Variants in POF1B observed in about 807,000 individuals in gnomAD.
POF1B encodes the protein protein POF1B.
POF1B carries 53 observed loss-of-function variants against 55.3 expected under a neutral mutation model. That is an observed-to-expected ratio of 0.96 (90% CI 0.77 to 1.20). POF1B has a LOEUF of 1.20. POF1B is among the 50% of genes most tolerant of loss of function. The probability of loss-of-function intolerance (pLI) is 0.00; values close to 1 mark genes in which losing one functional copy is unlikely to be tolerated. For synonymous variants in POF1B, 188 were observed against 148.3 expected, an observed-to-expected ratio of 1.27 and a Z score of -1.95; for missense variants, 478 against 420.5, an observed-to-expected ratio of 1.14 and a Z score of -1.20.
intron 15 of POF1B, among the ~76,000 whole-genome samples, chrX:85,292,381 T>C (rs770612966): frequency 8.9e-6 from 1 of 111,782 alleles, no homozygotes; most frequent in Non-Finnish European, 1.9e-5. Flanking sequence ...ATCAAGGGTA[T>C]TGACCTGAAG....
intron 5 of POF1B, among the ~76,000 whole-genome samples, chrX:85,349,159 A>G (rs1933330140): frequency 9.0e-6 from 1 of 111,034 alleles, no homozygotes; most frequent in South Asian, 3.8e-4. Flanking sequence ...GCAAACCAAA[A>G]TGTTAAAGAT....
chrX:85,330,092 A>G (rs958019849), intron 7 of POF1B, among the ~76,000 whole-genome samples: 1 of 110,024 alleles, frequency 9.1e-6, no homozygotes, highest in Admixed American at 9.8e-5. Context: ...GAGCTTTCCT[A>G]GATTTTGCCT....
intron 6 of POF1B, among the ~76,000 whole-genome samples, chrX:85,338,277 G>A (rs929543681): frequency 9.0e-6 from 1 of 111,493 alleles, no homozygotes; most frequent in Admixed American, 9.6e-5. Flanking sequence ...TTATAACAAA[G>A]GATAAAATTG....
At chrX:85,340,044 G>C (rs1046868532) in intron 6 of POF1B, among the ~76,000 whole-genome samples, 15 of 111,039 alleles carry the variant, frequency 1.4e-4, no homozygotes, top group Non-Finnish European at 2.7e-4. Flanking sequence ...GTTAGTAGAA[G>C]GCAAGGCTAC....
chrX:85,293,237 G>C (rs1253716641), intron 15 of POF1B, among the ~76,000 whole-genome samples: 1 of 112,049 alleles, frequency 8.9e-6, no homozygotes, highest in African/African-American at 3.2e-5. Context: ...GTTCACTGCA[G>C]CACTATTCTC....
At chrX:85,368,051 C>T (rs1474381027) in intron 2 of POF1B, among the ~76,000 whole-genome samples, 2 of 111,929 alleles carry the variant, frequency 1.8e-5, no homozygotes, top group Non-Finnish European at 3.8e-5. Flanking sequence ...CATTCATATA[C>T]ACCCCAATGT....
chrX:85,309,908 T>C lies in POF1B; in HGVS notation c.958-1692A>G, dbSNP rs777224095. Among the ~76,000 whole-genome samples, 4 of 112,016 alleles carry C rather than the reference T, an allele frequency of 3.6e-5. No individual in the cohort carries two copies. In the East Asian group the frequency reaches 1.1e-3, roughly 32 times the overall value. On this transcript the variant is annotated intron_variant, in intron 9 of 16. Transcript: ENST00000262753. The stretch of plus-strand genomic sequence containing the variant: ...AAATTCCATGCACTGTGATGTCAGT[T>C]GAGACTGTGAAGGGAGCTTGGGCTT...
At chrX:85,289,501 C>T (rs1447264156) in intron 15 of POF1B, among the ~76,000 whole-genome samples, 1 of 111,531 alleles carries the variant, frequency 9.0e-6, no homozygotes, top group African/African-American at 3.3e-5. Context: ...TCCTGAACTG[C>T]GATGGCAGCT....
chrX:85,307,088 A>G, intron 11 of POF1B, 75 bp downstream of exon 11: 3 of 788,793 alleles, frequency 3.8e-6, no homozygotes, highest in Non-Finnish European at 5.6e-6. Flanking sequence ...TATATCTCAT[A>G]ACTCCAATGT....
intron 6 of POF1B, among the ~76,000 whole-genome samples, chrX:85,344,407 CA>C (rs771797978): frequency 7.1e-4 from 79 of 111,343 alleles, no homozygotes; most frequent in Admixed American, 2.9e-4. Flanking sequence ...ATCTCTCAGC[CA>C]AAATTAATTT....
chrX:85,363,973 T>A (rs934128646), intron 3 of POF1B, among the ~76,000 whole-genome samples: 5 of 112,178 alleles, frequency 4.5e-5, no homozygotes, highest in African/African-American at 9.7e-5. Flanking sequence ...AGTCTTCCTG[T>A]TAAATTGAAA....
chrX:85,351,960 A>T (rs1175222205), intron 4 of POF1B, among the ~76,000 whole-genome samples: 2 of 110,704 alleles, frequency 1.8e-5, no homozygotes, highest in African/African-American at 6.5e-5. Context: ...ACAATTCTTA[A>T]TTGTAATTAT....
intron 9 of POF1B, among the ~76,000 whole-genome samples, chrX:85,309,989 C>A (rs1932661386): frequency 8.9e-6 from 1 of 112,034 alleles, no homozygotes; most frequent in Admixed American, 9.5e-5. Context: ...CCACCACCAG[C>A]TGGCAGTAAT....
chrX:85,287,392 C>CAAGA (rs1247711839), intron 15 of POF1B, among the ~76,000 whole-genome samples: 1 of 110,626 alleles, frequency 9.0e-6, no homozygotes, highest in African/African-American at 3.3e-5. Flanking sequence ...TTACCAATAT[C>CAAGA]AAGAAAGAAA....
rs749776580 is a variant in POF1B at position 85,306,639 on chromosome X, C to T, written c.1165-306G>A. Among the ~76,000 whole-genome samples, 75 of 110,781 alleles carry T rather than the reference C, an allele frequency of 6.8e-4. 1 individual carries two copies. Among genetic ancestry groups the T allele is most frequent in the Non-Finnish European group, 9.5e-4 (50 of 52,754 alleles). Reference sequence around the variant, plus strand: ...CCCTGCTTTCTAGTAGGCACAGAAACGACCATATGCCTGATTATTTACATG... The same window carrying T: ...CCCTGCTTTCTAGTAGGCACAGAAATGACCATATGCCTGATTATTTACATG... On this transcript the variant is annotated intron_variant, in intron 11 of 16. Transcript: ENST00000262753.
At chrX:85,359,897 A>C (rs1218953771) in intron 3 of POF1B, among the ~76,000 whole-genome samples, 2 of 110,935 alleles carry the variant, frequency 1.8e-5, no homozygotes, top group Non-Finnish European at 3.8e-5. Flanking sequence ...AGCATTTTAA[A>C]ATGCTTCTTT....
At chrX:85,379,529 A>T in intron 1 of POF1B, 34 bp from the exon 2 acceptor site, 1 of 1,079,565 alleles carries the variant, frequency 9.3e-7, no homozygotes, top group Non-Finnish European at 1.2e-6. Context: ...AATGGAAAAA[A>T]AAGACAGGCA....
intron 4 of POF1B, among the ~76,000 whole-genome samples, chrX:85,351,946 T>C (rs1050072521): frequency 9.0e-5 from 10 of 110,941 alleles, no homozygotes; most frequent in Admixed American, 7.7e-4. Flanking sequence ...TGCCCTTGAA[T>C]TGTACAATTC....
At chrX:85,289,722 G>T (rs1341314166) in intron 15 of POF1B, among the ~76,000 whole-genome samples, 1 of 111,494 alleles carries the variant, frequency 9.0e-6, no homozygotes, top group African/African-American at 3.3e-5. Context: ...ACAATTTGGA[G>T]AAAACAAAAG....
Sources: gnomAD v4.1 joint callset for allele counts (sites outside exome capture counted in the v4.1 genomes callset) on GRCh38, gnomAD v4.1.1 for gene constraint, MANE v1.5 for transcripts, NCBI Gene and HGNC (gene_info 2026-07-23, HGNC 2026-07-21) for gene names.